The following TMTC2 variants were observed in gnomAD, a reference collection of about 807,000 sequenced individuals.
TMTC2 encodes protein O-mannosyl-transferase TMTC2.
A neutral mutation model predicts 82.4 loss-of-function variants in TMTC2; 43 were observed. The observed-to-expected ratio is 0.52, with a 90% CI of 0.41 to 0.67. The LOEUF is 0.67. Among genes scored for constraint, TMTC2 ranks in the 30% least tolerant of loss-of-function variants. The probability of loss-of-function intolerance (pLI) is 0.00; values close to 1 mark genes in which losing one functional copy is unlikely to be tolerated. For missense variants in TMTC2, 919 were observed against 1,012.4 expected (o/e 0.91, Z 1.25); for synonymous variants, 408 against 381.9 (o/e 1.07, Z -0.80).
intron 1 of TMTC2, among the ~76,000 whole-genome samples, chr12:82,828,870 T>C (rs1276351466): frequency 1.3e-5 from 2 of 152,176 alleles, no homozygotes; most frequent in South Asian, 2.1e-4. Flanking sequence ...TGGAAATTTA[T>C]GTATTGCTTA....
chr12:82,718,036 C>G (rs1032156777), intron 1 of TMTC2, among the ~76,000 whole-genome samples: 2 of 152,126 alleles, frequency 1.3e-5, no homozygotes, highest in Non-Finnish European at 2.9e-5. Flanking sequence ...AGAACTTAAC[C>G]CATTTATGCC....
intron 4 of TMTC2, among the ~76,000 whole-genome samples, chr12:82,948,939 T>C (rs1045206037): frequency 2.0e-4 from 30 of 152,160 alleles, no homozygotes; most frequent in African/African-American, 7.0e-4. Flanking sequence ...TAGTGTATCA[T>C]ACTATACCAA....
intron 11 of TMTC2, among the ~76,000 whole-genome samples, chr12:83,101,545 A>T (rs962227036): frequency 1.3e-5 from 2 of 152,192 alleles, no homozygotes; most frequent in Non-Finnish European, 2.9e-5. Flanking sequence ...CTTGTGATCA[A>T]CATTGTGAAT....
intron 1 of TMTC2, among the ~76,000 whole-genome samples, chr12:82,843,347 A>G (rs1369476234): frequency 6.6e-6 from 1 of 152,016 alleles, no homozygotes; most frequent in African/African-American, 2.4e-5. Flanking sequence ...CTGACCTCCC[A>G]AAGTGCTGGG....
intron 2 of TMTC2, among the ~76,000 whole-genome samples, chr12:82,871,245 C>T (rs1037653780): frequency 9.2e-5 from 14 of 152,114 alleles, no homozygotes; most frequent in Admixed American, 2.6e-4. Flanking sequence ...TAGTATGCAG[C>T]AGAGAGAGAA....
intron 8 of TMTC2, among the ~76,000 whole-genome samples, chr12:83,021,500 C>T (rs1169742358): frequency 2.6e-5 from 4 of 152,170 alleles, no homozygotes; most frequent in Non-Finnish European, 2.9e-5. Flanking sequence ...GAAGCTGAGT[C>T]GGGAGGGTCA....
chr12:82,690,376 G>A lies in TMTC2; in HGVS notation c.83+2707G>A, dbSNP rs973155177. ...CAGAAGTGAAGGGAGAAGCACTCAA[G>A]GGAGATGGCTGTTATTCCTGACTTG... is the stretch of plus-strand genomic sequence containing the variant. On this transcript the variant is annotated intron_variant, in intron 1 of 11. Transcript: ENST00000321196. The A allele has an allele frequency of 8.1e-6, 8 of 985,332 alleles. No homozygotes were observed. The Admixed American group carries it at 4.9e-4, about 61-fold the overall frequency. The allele number at this position is 985,332 out of a possible 1,614,324, so 61.0% of individuals were successfully genotyped here.
intron 1 of TMTC2, among the ~76,000 whole-genome samples, chr12:82,711,078 A>G (rs185117633): frequency 1.3e-5 from 2 of 152,340 alleles, no homozygotes; most frequent in East Asian, 3.9e-4. Flanking sequence ...TTCTGGTAAG[A>G]CAAATGGATA....
chr12:83,058,088 C>T (rs1289301379), intron 10 of TMTC2, among the ~76,000 whole-genome samples: 1 of 151,652 alleles, frequency 6.6e-6, no homozygotes, highest in East Asian at 1.9e-4. Context: ...ACTGTTGGGC[C>T]ATAAACATGT....
intron 1 of TMTC2, among the ~76,000 whole-genome samples, chr12:82,782,433 A>C (rs1159357843): frequency 6.6e-6 from 1 of 152,146 alleles, no homozygotes; most frequent in African/African-American, 2.4e-5. Flanking sequence ...TTTTATCTTC[A>C]TTTCAGCTGA....
intron 1 of TMTC2, among the ~76,000 whole-genome samples, chr12:82,788,450 T>A (rs1425565798): frequency 6.6e-6 from 1 of 152,106 alleles, no homozygotes; most frequent in African/African-American, 2.4e-5. Flanking sequence ...ACTGCAAGGT[T>A]TGGTAGCCTA....
At chr12:82,934,768 C>A (rs1170468044) in intron 4 of TMTC2, among the ~76,000 whole-genome samples, 2 of 152,084 alleles carry the variant, frequency 1.3e-5, no homozygotes, top group African/African-American at 4.8e-5. Context: ...AATGGTATTT[C>A]TGGTTCTAGA....
At chr12:83,030,675 A>T (rs527361994) in intron 8 of TMTC2, 123 bp from the exon 9 acceptor site, 108 of 652,356 alleles carry the variant, frequency 1.7e-4, no homozygotes, top group Non-Finnish European at 2.1e-4. Flanking sequence ...TAAAAACAAA[A>T]ATTTTTTTTT....
intron 11 of TMTC2, among the ~76,000 whole-genome samples, chr12:83,125,448 G>A (rs1885073916): frequency 6.6e-6 from 1 of 152,104 alleles, no homozygotes; most frequent in Admixed American, 6.5e-5. Flanking sequence ...AAGAACAGGT[G>A]GGTCACCAAA....
chr12:82,778,848 CAAAAAAA>C lies in TMTC2; in HGVS notation c.84-78138_84-78132del, dbSNP rs56354957. On this transcript the variant is annotated intron_variant, in intron 1 of 11. Transcript: ENST00000321196. Reference sequence around the variant, plus strand: ...TAGGCGACAGAGCGAGACTCCGTCTCAAAAAAAAAAAAAAAAAAAAAAAAAAAAAATG... The same window carrying C: ...TAGGCGACAGAGCGAGACTCCGTCTCAAAAAAAAAAAAAAAAAAAAAAATG... Among the ~76,000 whole-genome samples the C allele has an allele frequency of 3.0e-4, 7 of 23,450 alleles. 1 individual carries two copies. The highest frequency in any genetic ancestry group is 7.9e-3 in the South Asian group (2 of 254). The allele number at this position is 23,450 out of a possible 152,430, so 15.4% of individuals were successfully genotyped here.
chr12:82,826,694 C>T (rs1281323416), intron 1 of TMTC2, among the ~76,000 whole-genome samples: 1 of 152,016 alleles, frequency 6.6e-6, no homozygotes, highest in Admixed American at 6.6e-5. Flanking sequence ...TTTTTCCCCT[C>T]TTGTTGAATG....
intron 2 of TMTC2, among the ~76,000 whole-genome samples, chr12:82,859,797 TC>T (rs1871443289): frequency 6.6e-6 from 1 of 152,044 alleles, no homozygotes; most frequent in South Asian, 2.1e-4. Flanking sequence ...GCCCAGACTC[TC>T]TTGGCGACCA....
intron 1 of TMTC2, among the ~76,000 whole-genome samples, chr12:82,713,893 A>G (rs1873766916): frequency 6.6e-6 from 1 of 152,250 alleles, no homozygotes; most frequent in South Asian, 2.1e-4. Flanking sequence ...AGTTACAAGC[A>G]AATAGTATCA....
intron 7 of TMTC2, among the ~76,000 whole-genome samples, chr12:82,981,772 C>T (rs1381781520): frequency 6.6e-6 from 1 of 151,746 alleles, no homozygotes; most frequent in Non-Finnish European, 1.5e-5. Flanking sequence ...ATTTATTGAA[C>T]TTTCTTTTCC....
Sources: allele counts gnomAD v4.1 joint callset (sites outside exome capture counted in the v4.1 genomes callset), GRCh38; gene constraint gnomAD v4.1.1; transcripts MANE v1.5; gene names NCBI Gene and HGNC (gene_info 2026-07-23, HGNC 2026-07-21).